The following ADCYAP1R1 variants were observed in gnomAD, a reference collection of about 807,000 sequenced individuals.
ADCYAP1R1 encodes ADCYAP receptor type I.
A neutral mutation model predicts 67.6 loss-of-function variants in ADCYAP1R1; 44 were observed. That is an observed-to-expected ratio of 0.65 (90% CI 0.51 to 0.84). The LOEUF (loss-of-function observed/expected upper bound fraction) is 0.84. Among genes scored for constraint, ADCYAP1R1 ranks in the 40% least tolerant of loss-of-function variants. The probability of loss-of-function intolerance (pLI) is 0.00; values close to 1 mark genes in which losing one functional copy is unlikely to be tolerated. For synonymous variants in ADCYAP1R1, 222 were observed against 219.6 expected (o/e 1.01, Z -0.10); for missense variants, 477 against 587.9 (o/e 0.81, Z 1.95).
At position 31,110,040 on chromosome 7, in the gene ADCYAP1R1, C is replaced by T. The variant is rs1472672715; in HGVS notation, c.*3356C>T. The stretch of plus-strand genomic sequence containing the variant: ...GCCAAGCCCTAGGCTTGAGAGACAC[C>T]TGCATCTATAATCCCCGCCAAGGAT... On this transcript the variant is annotated 3_prime_UTR_variant, in exon 16 of 16. Transcript: ENST00000304166. 6.6e-6 allele frequency: 1 copy of T among 151,858 alleles called. No individual in the cohort carries two copies. The highest frequency in any genetic ancestry group is 1.5e-5 in the Non-Finnish European group (1 of 68,010). 9.4% of individuals were successfully genotyped at this position (151,858 alleles called of 1,614,324 possible).
chr7:31,092,147 T>C (rs540163226), intron 12 of ADCYAP1R1, among the ~76,000 whole-genome samples: 1 of 148,314 alleles, frequency 6.7e-6, no homozygotes, highest in East Asian at 2.0e-4. Context: ...AGCTTCCTAC[T>C]TTGTTTAGGA....
intron 5 of ADCYAP1R1, 77 bp downstream of exon 5, chr7:31,080,710 G>C (rs1393869078): frequency 6.7e-7 from 1 of 1,485,914 alleles, no homozygotes; most frequent in Non-Finnish European, 9.3e-7. Context: ...GAGATCCCAG[G>C]CTCCGGCTGC....
rs565839807 is a variant in ADCYAP1R1 at position 31,079,830 on chromosome 7, A to T, written c.266-783A>T. 4.6e-5 allele frequency among the ~76,000 whole-genome samples: 7 copies of T among 152,258 alleles called. No individual in the cohort carries two copies. In the East Asian group the frequency reaches 1.4e-3, roughly 29 times the overall value. ...GGGCCTGGGGATTGGGTGTGACCTG[A>T]GCAGTCCAGAGTGAATTTTGAAAGG... On this transcript the variant is annotated intron_variant, in intron 4 of 15. Transcript: ENST00000304166.
rs1257351577 is a variant in ADCYAP1R1 at position 31,071,360 on chromosome 7, A to G, written c.157+6424A>G. On this transcript the variant is annotated intron_variant, in intron 3 of 15. Coordinates refer to ENST00000304166, the MANE Select transcript of ADCYAP1R1 (RefSeq NM_001118.5). ...AGCAGCTAGGGAGAGTGTACGCAGCACTCCCCGACCCACCCCTGGGCCTGA... is the reference window on the plus strand; with the variant it reads ...AGCAGCTAGGGAGAGTGTACGCAGCGCTCCCCGACCCACCCCTGGGCCTGA... Among the ~76,000 whole-genome samples the G allele has an allele frequency of 3.3e-5, 5 of 151,594 alleles. No individual in the cohort carries two copies. The South Asian group carries it at 1.0e-3, about 32-fold the overall frequency.
chr7:31,084,834 G>A lies in ADCYAP1R1; in HGVS notation c.536G>A (p.Arg179Gln), dbSNP rs746887763. Residue 179 changes from arginine to glutamine, a missense_variant and splice_region_variant, in exon 8 of 16, where the codon CGG (arginine) becomes CAG (glutamine). Coordinates refer to ENST00000304166, the MANE Select transcript of ADCYAP1R1 (RefSeq NM_001118.5). ...GCCATGGTCATCCTTTGTCGCTTCCGGTGAGACCCTCAGCAACATTCAAGC... is the reference window on the plus strand; with the variant it reads ...GCCATGGTCATCCTTTGTCGCTTCCAGTGAGACCCTCAGCAACATTCAAGC... Reference protein sequence around the residue: ...TTAMVILCRFRKLHCTRNFIH... With the variant: ...TTAMVILCRFQKLHCTRNFIH... The A allele has an allele frequency of 1.1e-5, 17 of 1,613,828 alleles. 1 individual carries two copies. The highest frequency in any genetic ancestry group is 5.3e-5 in the African/African-American group (4 of 75,026).
chr7:31,064,781 C>G, intron 2 of ADCYAP1R1, 50 bp from the exon 3 acceptor site: 1 of 1,468,410 alleles, frequency 6.8e-7, no homozygotes, highest in Non-Finnish European at 9.4e-7. Context: ...GGAGAGCTTA[C>G]AGATGGGCCT....
At chr7:31,081,584 C>A in intron 5 of ADCYAP1R1, 129 bp from the exon 6 acceptor site, 1 of 651,566 alleles carries the variant, frequency 1.5e-6, no homozygotes, top group Middle Eastern at 3.2e-4. Flanking sequence ...GTGATATTGC[C>A]TCTTGGCCAG....
chr7:31,104,971 G>T, intron 15 of ADCYAP1R1, 62 bp downstream of exon 15: 2 of 1,559,264 alleles, frequency 1.3e-6, no homozygotes, highest in Non-Finnish European at 1.8e-6. Flanking sequence ...GAGCAGACAG[G>T]GGAACCACCT....
intron 13 of ADCYAP1R1, among the ~76,000 whole-genome samples, chr7:31,096,169 C>T (rs929760967): frequency 6.6e-6 from 1 of 152,142 alleles, no homozygotes; most frequent in African/African-American, 2.4e-5. Context: ...CAGCCCCCTG[C>T]CTTGAAGTGA....
In ADCYAP1R1 at chr7:31,063,088, G is replaced by A. The variant is rs561889553; in HGVS notation, c.-71-106G>A. 18 of 657,412 alleles carry A rather than the reference G, an allele frequency of 2.7e-5. No homozygotes were observed. In the East Asian group the frequency reaches 4.9e-4, roughly 18 times the overall value. The allele number at this position is 657,412 out of a possible 1,614,324, so 40.7% of individuals were successfully genotyped here. A position where few individuals can be genotyped will look rare whatever the true frequency, so the allele number is the denominator to read the frequency against. Reference sequence around the variant, plus strand: ...CAGGGAGGTGGGGTTATCCTTGGAGGCTGAGAGCCGTGCTGCAGGGAGCTG... The same window carrying A: ...CAGGGAGGTGGGGTTATCCTTGGAGACTGAGAGCCGTGCTGCAGGGAGCTG... On this transcript the variant is annotated intron_variant, in intron 1 of 15. Transcript: ENST00000304166.
At chr7:31,077,803 G>T (rs959811688) in intron 3 of ADCYAP1R1, among the ~76,000 whole-genome samples, 188 bp from the exon 4 acceptor site, 3 of 145,432 alleles carry the variant, frequency 2.1e-5, no homozygotes, top group Admixed American at 2.0e-4. Flanking sequence ...TGCGGTGTCT[G>T]TTGTGTGGTG....
chr7:31,088,673 A>G lies in ADCYAP1R1; in HGVS notation c.954+977A>G, dbSNP rs556477243. Among the ~76,000 whole-genome samples the G allele has an allele frequency of 5.5e-4, 84 of 152,292 alleles. 1 individual carries two copies. The East Asian group carries it at 0.011, about 19-fold the overall frequency. On this transcript the variant is annotated intron_variant, in intron 12 of 15. Transcript: ENST00000304166. ...AATGTCATTTTATTATAAACACTCAATATACTGGTCTTTGGTTCCAGACTT... is the reference window on the plus strand; with the variant it reads ...AATGTCATTTTATTATAAACACTCAGTATACTGGTCTTTGGTTCCAGACTT...
At chr7:31,053,404 C>T (rs1794107791) in intron 1 of ADCYAP1R1, among the ~76,000 whole-genome samples, 1 of 152,230 alleles carries the variant, frequency 6.6e-6, no homozygotes, top group African/African-American at 2.4e-5. Context: ...CCCTGCCTGC[C>T]GCTTTAGAGG....
In ADCYAP1R1 at chr7:31,106,498, A is replaced by T. The variant is rs200100799; in HGVS notation, c.1221A>T (p.Val407=). The T allele has an allele frequency of 3.1e-5, 49 of 1,604,698 alleles. No individual in the cohort carries two copies. Among genetic ancestry groups the T allele is most frequent in the Admixed American group, 1.0e-4 (6 of 59,512 alleles). The change falls in exon 16 of 16, where the codon GTA becomes GTT. Residue 407 remains valine, a splice_region_variant and synonymous_variant. Coordinates refer to ENST00000304166, the MANE Select transcript of ADCYAP1R1 (RefSeq NM_001118.5). ...ACCGCCCAGTTTGCTCCCTGCAGGT[A>T]CAAGCGGAGATCAAGCGAAAATGGC... The part of the protein sequence containing the change: ...AVLYCFLNGE[V]QAEIKRKWRS...
rs1231599349 is a variant in ADCYAP1R1, at chr7:31,052,439, A to ACGG, written c.-297_-295dup. The ACGG allele has an allele frequency of 4.0e-5, 6 of 149,950 alleles. No homozygotes were observed. In the South Asian group the frequency reaches 1.0e-3, roughly 26 times the overall value. 9.3% of individuals were successfully genotyped at this position (149,950 alleles called of 1,614,324 possible). ...TGCGCTCGGCCCCGGGCAGGGAGTGACGGCGGCGGCGGCGGCTCCGGGCGA... is the reference window on the plus strand; with the variant it reads ...TGCGCTCGGCCCCGGGCAGGGAGTGACGGCGGCGGCGGCGGCGGCTCCGGGCGA... On this transcript the variant is annotated 5_prime_UTR_variant, in exon 1 of 16. Coordinates refer to ENST00000304166, the MANE Select transcript of ADCYAP1R1 (RefSeq NM_001118.5).
intron 13 of ADCYAP1R1, among the ~76,000 whole-genome samples, chr7:31,093,224 A>G (rs1584529956): frequency 6.6e-6 from 1 of 152,132 alleles, no homozygotes; most frequent in East Asian, 1.9e-4. Flanking sequence ...GAAGGTGGGT[A>G]CTTTCTTTCC....
At chr7:31,074,325 C>G (rs1406871804) in intron 3 of ADCYAP1R1, among the ~76,000 whole-genome samples, 1 of 152,186 alleles carries the variant, frequency 6.6e-6, no homozygotes, top group Non-Finnish European at 1.5e-5. Context: ...AATTTCACAG[C>G]TTTGTCTTTT....
intron 4 of ADCYAP1R1, among the ~76,000 whole-genome samples, chr7:31,079,345 G>C (rs1795417391): frequency 1.3e-5 from 2 of 152,360 alleles, no homozygotes; most frequent in Middle Eastern, 3.4e-3. Flanking sequence ...GCTCCAGCCA[G>C]GTGACTTACT....
intron 9 of ADCYAP1R1, among the ~76,000 whole-genome samples, chr7:31,085,801 G>T (rs1795722108): frequency 6.6e-6 from 1 of 152,198 alleles, no homozygotes; most frequent in Non-Finnish European, 1.5e-5. Context: ...AACTAGCCTG[G>T]GATGGAGCCC....
Sources: allele counts gnomAD v4.1 joint callset (sites outside exome capture counted in the v4.1 genomes callset), GRCh38; gene constraint gnomAD v4.1.1; transcripts MANE v1.5; gene names NCBI Gene and HGNC (gene_info 2026-07-23, HGNC 2026-07-21).